The following HOOK3 variants were observed in gnomAD, a reference collection of about 807,000 sequenced individuals.
HOOK3 encodes the protein protein Hook homolog 3.
A neutral mutation model predicts 116.3 loss-of-function variants in HOOK3; 24 were observed. The observed-to-expected ratio is 0.21, with a 90% CI of 0.15 to 0.29. HOOK3 has a LOEUF of 0.29. HOOK3 is among the 10% of genes least tolerant of loss of function. The pLI, the probability that HOOK3 is intolerant of heterozygous loss-of-function variation, is 1.00. For missense variants in HOOK3, 632 were observed against 830.2 expected (o/e 0.76, Z 2.93); for synonymous variants, 275 against 283.0 (o/e 0.97, Z 0.28).
chr8:43,007,016 ATTTT>A (rs58609523), intron 17 of HOOK3, among the ~76,000 whole-genome samples: 1,051 of 102,902 alleles, frequency 0.01, 4 homozygotes, highest in African/African-American at 0.045. Flanking sequence ...AAGTTCCTAG[ATTTT>A]TTTTTTTTTT....
intron 2 of HOOK3, among the ~76,000 whole-genome samples, chr8:42,913,768 G>A (rs771311003): frequency 1.3e-5 from 2 of 152,100 alleles, no homozygotes; most frequent in Non-Finnish European, 2.9e-5. Context: ...TTGCTCCACA[G>A]TCTCACCAAC....
At chr8:43,014,961 A>G (rs1208294194) in intron 21 of HOOK3, among the ~76,000 whole-genome samples, 1 of 151,862 alleles carries the variant, frequency 6.6e-6, no homozygotes, top group East Asian at 2.0e-4. Context: ...CCTGGCCACA[A>G]CATGGTAAAA....
At position 43,001,549 on chromosome 8, in the gene HOOK3, T is replaced by C. The variant is rs937837267; in HGVS notation, c.1621-558T>C. ...TTTGATCTCCTGCTTTTCAGGAGAC[T>C]TTTTTTTTTTTTACCCAGTGAAAGC... On this transcript the variant is annotated intron_variant, in intron 16 of 21. Transcript: ENST00000307602. 4.2e-5 allele frequency among the ~76,000 whole-genome samples: 6 copies of C among 143,374 alleles called. No individual in the cohort carries two copies. In the East Asian group the frequency reaches 6.1e-4, roughly 14 times the overall value. 94.1% of individuals were successfully genotyped at this position (143,374 alleles called of 152,430 possible).
intron 4 of HOOK3, among the ~76,000 whole-genome samples, chr8:42,940,230 G>A (rs1395012961): frequency 6.6e-6 from 1 of 152,254 alleles, no homozygotes; most frequent in Admixed American, 6.5e-5. Flanking sequence ...CTGCAATCCC[G>A]GCACCTCGGG....
Position 43,023,324 on chromosome 8 carries a change from T to C in HOOK3, c.*4826T>C, listed in dbSNP as rs1203504876. On this transcript the variant is annotated 3_prime_UTR_variant, in exon 22 of 22. Transcript: ENST00000307602. ...TAGTGAGTGAGTGTTAAGTGAAAGA[T>C]GAGCTAGGTTGAAGAAAATATACAT... The C allele has an allele frequency of 5.5e-6, 1 of 183,084 alleles. No homozygotes were observed. Among genetic ancestry groups the C allele is most frequent in the East Asian group, 8.8e-5 (1 of 11,316 alleles). 11.3% of individuals were successfully genotyped at this position (183,084 alleles called of 1,614,324 possible). A position where few individuals can be genotyped will look rare whatever the true frequency, so the allele number is the denominator to read the frequency against.
chr8:42,926,167 A>G (rs1353714222), intron 3 of HOOK3, among the ~76,000 whole-genome samples: 7 of 152,154 alleles, frequency 4.6e-5, no homozygotes, highest in African/African-American at 1.7e-4. Context: ...CCAATTTCCT[A>G]CCTAAATGTG....
intron 14 of HOOK3, among the ~76,000 whole-genome samples, chr8:42,984,140 G>A (rs1279615155): frequency 6.6e-6 from 1 of 152,092 alleles, no homozygotes; most frequent in African/African-American, 2.4e-5. Context: ...GGCCAAAGTG[G>A]GTGGATCACC....
intron 1 of HOOK3, among the ~76,000 whole-genome samples, chr8:42,897,923 C>T (rs1807071324): frequency 6.6e-6 from 1 of 152,134 alleles, no homozygotes; most frequent in Non-Finnish European, 1.5e-5. Flanking sequence ...CTCGCCGCGG[C>T]GCGGCCGGGG....
chr8:43,007,754 A>G (rs1809520354), intron 17 of HOOK3, 93 bp from the exon 18 acceptor site: 1 of 622,754 alleles, frequency 1.6e-6, no homozygotes, highest in Non-Finnish European at 2.8e-6. Context: ...ATGCAATGCA[A>G]GTGTAATCCA....
At chr8:42,991,640 G>T (rs961359438) in intron 15 of HOOK3, among the ~76,000 whole-genome samples, 1 of 152,088 alleles carries the variant, frequency 6.6e-6, no homozygotes, top group Non-Finnish European at 1.5e-5. Context: ...GACCTCAGGT[G>T]ATCCACCCAC....
chr8:42,948,175 C>T (rs1333215206), intron 5 of HOOK3, among the ~76,000 whole-genome samples: 2 of 152,098 alleles, frequency 1.3e-5, no homozygotes, highest in Non-Finnish European at 2.9e-5. Context: ...ATACTTCCTA[C>T]CTGTGAGAGG....
intron 11 of HOOK3, among the ~76,000 whole-genome samples, chr8:42,971,964 T>C (rs1808735715): frequency 6.6e-6 from 1 of 152,244 alleles, no homozygotes; most frequent in South Asian, 2.1e-4. Flanking sequence ...CTTACAGGTG[T>C]GAGCCGCCGT....
chr8:43,028,432 T>C lies in HOOK3; in HGVS notation c.*9934T>C, dbSNP rs1330883854. On this transcript the variant is annotated 3_prime_UTR_variant, in exon 22 of 22. Coordinates refer to ENST00000307602, the MANE Select transcript of HOOK3 (RefSeq NM_032410.4). ...AATTCATATGAATGCTTATTTCAAA[T>C]AAAGATTGATAGATTTAATGATATC... 1.1e-5 allele frequency: 2 copies of C among 184,864 alleles called. No individual in the cohort carries two copies. The highest frequency in any genetic ancestry group is 4.7e-5 in the African/African-American group (2 of 42,618). The allele number at this position is 184,864 out of a possible 1,614,324, so 11.5% of individuals were successfully genotyped here.
chr8:42,973,856 A>T (rs1808770807), intron 12 of HOOK3, among the ~76,000 whole-genome samples: 1 of 152,254 alleles, frequency 6.6e-6, no homozygotes, highest in African/African-American at 2.4e-5. Flanking sequence ...ACTAATTGTT[A>T]AAGATGGAGT....
At chr8:42,906,093 A>G (rs909616203) in intron 1 of HOOK3, 80 bp from the exon 2 acceptor site, 10 of 772,456 alleles carry the variant, frequency 1.3e-5, no homozygotes, top group Admixed American at 2.5e-5. Context: ...TCTCCAAAAA[A>G]AAAAAAAAAA....
rs757606567 is a variant in HOOK3, at chr8:42,906,222, C to T, written c.107C>T (p.Thr36Met). Residue 36 changes from threonine to methionine, a missense_variant, in exon 2 of 22, where the codon ACG (threonine) becomes ATG (methionine). Thr to Met is a moderately conservative substitution (Grantham distance 81). Around this residue, in one of 3 missense-constraint regions of HOOK3, gnomAD observed 141 missense variants for 150.8 expected, o/e 0.93. Transcript: ENST00000307602. ...CCATGCCAGACCGTGGAAGATTTAA[C>T]GAATGGGGTTGTGATGGCCCAGGTT... Reference protein sequence around the residue: ...DAPCQTVEDLTNGVVMAQVLQ... With the variant: ...DAPCQTVEDLMNGVVMAQVLQ... 9.3e-6 allele frequency: 13 copies of T among 1,403,348 alleles called. No homozygotes were observed. Among genetic ancestry groups the T allele is most frequent in the South Asian group, 4.5e-5 (4 of 88,480 alleles). The allele number at this position is 1,403,348 out of a possible 1,614,324, so 86.9% of individuals were successfully genotyped here. A position where few individuals can be genotyped will look rare whatever the true frequency, so the allele number is the denominator to read the frequency against.
chr8:42,915,950 A>T (rs1807525218), intron 2 of HOOK3, among the ~76,000 whole-genome samples: 1 of 152,204 alleles, frequency 6.6e-6, no homozygotes, highest in Non-Finnish European at 1.5e-5. Flanking sequence ...GTAGTACATG[A>T]GATCCTAAGT....
Position 42,897,019 on chromosome 8 carries a change from C to T in HOOK3, c.-113C>T. On this transcript the variant is annotated 5_prime_UTR_variant, in exon 1 of 22. Coordinates refer to ENST00000307602, the MANE Select transcript of HOOK3 (RefSeq NM_032410.4). ...CTGGGCGAGAGTCGGCGGCCGGATCCGAGGAGCAGGCGGGCCTGAGGCCGA... is the reference window on the plus strand; with the variant it reads ...CTGGGCGAGAGTCGGCGGCCGGATCTGAGGAGCAGGCGGGCCTGAGGCCGA... 1 of 749,992 alleles carries T rather than the reference C, an allele frequency of 1.3e-6. No individual in the cohort carries two copies. Among genetic ancestry groups the T allele is most frequent in the Non-Finnish European group, 1.8e-6 (1 of 546,650 alleles). 46.5% of individuals were successfully genotyped at this position (749,992 alleles called of 1,614,324 possible). A position where few individuals can be genotyped will look rare whatever the true frequency, so the allele number is the denominator to read the frequency against.
intron 1 of HOOK3, among the ~76,000 whole-genome samples, chr8:42,904,609 C>A (rs1807266186): frequency 2.0e-5 from 3 of 152,158 alleles, no homozygotes; most frequent in Admixed American, 2.0e-4. Context: ...CCGCCCCCGG[C>A]CAGATCTTAT....
Sources: gnomAD v4.1 joint callset for allele counts (sites outside exome capture counted in the v4.1 genomes callset) on GRCh38, gnomAD v4.1.1 for gene constraint, gnomAD v4.1.1 regional missense constraint, MANE v1.5 for transcripts, NCBI Gene and HGNC (gene_info 2026-07-23, HGNC 2026-07-21) for gene names.